The following OSCAR variants were observed in gnomAD, a reference collection of about 807,000 sequenced individuals.
The protein encoded by OSCAR is osteoclast-associated immunoglobulin-like receptor.
A neutral mutation model predicts 27.3 loss-of-function variants in OSCAR; 25 were observed. The ratio of observed to expected loss-of-function variants is 0.92; its 90% confidence interval spans 0.67 to 1.28. The LOEUF (loss-of-function observed/expected upper bound fraction) is 1.28. Among genes scored for constraint, OSCAR ranks in the 50% most tolerant of loss-of-function variants. The probability of loss-of-function intolerance (pLI) is 0.00; values close to 1 mark genes in which losing one functional copy is unlikely to be tolerated. For synonymous variants in OSCAR, 158 were observed against 165.7 expected (o/e 0.95, Z 0.36); for missense variants, 354 against 355.1 (o/e 1.00, Z 0.03).
At chr19:54,099,644 GA>G in intron 2 of OSCAR, 103 bp downstream of exon 2, 3 of 1,613,554 alleles carry the variant, frequency 1.9e-6, no homozygotes, top group Non-Finnish European at 2.5e-6. Context: ...AGGGAGGGAG[GA>G]AAATAAGGAT....
intron 1 of OSCAR, among the ~76,000 whole-genome samples, chr19:54,100,233 C>T (rs1202629072): frequency 2.0e-5 from 3 of 152,234 alleles, no homozygotes; most frequent in Non-Finnish European, 4.4e-5. Context: ...CTCCCTCCTC[C>T]TGTCTCAGTA....
At chr19:54,097,753 C>G (rs1481284376) in intron 2 of OSCAR, among the ~76,000 whole-genome samples, 1 of 76,858 alleles carries the variant, frequency 1.3e-5, no homozygotes, top group Non-Finnish European at 2.5e-5. Flanking sequence ...GCCACTACAC[C>G]AGGCTAATTT....
At chr19:54,096,667 T>TCCC (rs1220137404) in intron 3 of OSCAR, among the ~76,000 whole-genome samples, 195 bp downstream of exon 3, 1 of 141,478 alleles carries the variant, frequency 7.1e-6, no homozygotes, top group Non-Finnish European at 1.5e-5. Context: ...TCTCTCTCTC[T>TCCC]CCCCCCGCAC....
At position 54,097,023 on chromosome 19, in the gene OSCAR, G is replaced by C; in HGVS notation, c.212C>G (p.Ala71Gly). 6.2e-7 allele frequency: 1 copy of C among 1,614,180 alleles called. No individual in the cohort carries two copies. Among genetic ancestry groups the C allele is most frequent in the Non-Finnish European group, 8.5e-7 (1 of 1,180,038 alleles). The change falls in exon 3 of 5, where the codon GCT (alanine) becomes GGT (glycine). Residue 71 changes from alanine to glycine, a missense_variant. By Grantham distance (60) the Ala-to-Gly change is moderately conservative (BLOSUM62 0). Coordinates refer to ENST00000358375, the MANE Select transcript of OSCAR (RefSeq NM_133169.6). Reference protein sequence around the residue: ...RFGLFKPGEIAPLLFRDVSSE... With the variant: ...RFGLFKPGEIGPLLFRDVSSE... ...GGACACATCCCGGAAGAGAAGGGGA[G>C]CGATCTCTCCAGGCTTGAAAAGTCC...
intron 3 of OSCAR, 33 bp downstream of exon 3, chr19:54,096,829 A>T: frequency 6.3e-7 from 1 of 1,597,730 alleles, no homozygotes; most frequent in Non-Finnish European, 8.5e-7. Flanking sequence ...CCCTTGTTCC[A>T]CCCACTTCTC....
chr19:54,095,421 T>C, intron 4 of OSCAR, 64 bp from the exon 5 acceptor site: 1 of 1,512,182 alleles, frequency 6.6e-7, no homozygotes, highest in Non-Finnish European at 8.8e-7. Context: ...GGCCCTGAAC[T>C]CCAGGTTTCC....
In OSCAR at chr19:54,099,229, A is replaced by ATTTTTTTTT. The variant is rs1228940404; in HGVS notation, c.70+510_70+518dup. Among the ~76,000 whole-genome samples, 10 of 82,422 alleles carry ATTTTTTTTT rather than the reference A, an allele frequency of 1.2e-4. 3 individuals are homozygous for ATTTTTTTTT. The East Asian group carries it at 3.6e-3, about 30-fold the overall frequency. 54.1% of individuals were successfully genotyped at this position (82,422 alleles called of 152,430 possible). Reference sequence around the variant, plus strand: ...AGGTGCGTCCCACCACACCCGGCTAATTTTTTTTTTTTTTTTTTTTTTTTA... The same window carrying ATTTTTTTTT: ...AGGTGCGTCCCACCACACCCGGCTAATTTTTTTTTTTTTTTTTTTTTTTTTTTTTTTTTA... On this transcript the variant is annotated intron_variant, in intron 2 of 4. Coordinates refer to ENST00000358375, the MANE Select transcript of OSCAR (RefSeq NM_133169.6).
At chr19:54,100,063 C>T (rs1338490161) in intron 1 of OSCAR, among the ~76,000 whole-genome samples, 8 of 152,102 alleles carry the variant, frequency 5.3e-5, no homozygotes, top group Non-Finnish European at 7.4e-5. Context: ...CCACCCGCCT[C>T]GGCCTCCCAA....
At chr19:54,096,288 GTC>G (rs1294218332) in intron 3 of OSCAR, 135 bp from the exon 4 acceptor site, 27 of 800,984 alleles carry the variant, frequency 3.4e-5, no homozygotes, top group South Asian at 8.0e-5. Flanking sequence ...CTCTCTGCCT[GTC>G]TCTCTCTCTG....
In OSCAR at chr19:54,096,941, G is replaced by A. The variant is rs2072766367; in HGVS notation, c.294C>T (p.Tyr98=). 6.2e-7 allele frequency: 1 copy of A among 1,614,160 alleles called. No homozygotes were observed. The highest frequency in any genetic ancestry group is 8.5e-7 in the Non-Finnish European group (1 of 1,180,030). The change falls in exon 3 of 5, where the codon TAC becomes TAT. Residue 98 remains tyrosine (Y), a synonymous_variant. Transcript: ENST00000358375. The part of the protein sequence containing the change: ...EEVTPAQGGS[Y]RCCYRRPDWG... ...AGTCTGGCCTTCGGTAGCAGCAGCG[G>A]TAACTTCCCCCTTGGGCTGGAGTCA...
Position 54,095,350 on chromosome 19 carries a change from G to C in OSCAR, c.663C>G (p.Gly221=), listed in dbSNP as rs587647466. The C allele has an allele frequency of 2.6e-6, 4 of 1,560,828 alleles. No individual in the cohort carries two copies. The South Asian group carries it at 3.5e-5, about 14-fold the overall frequency. The change falls in exon 5 of 5, where the codon GGC becomes GGG. Residue 221 remains glycine, a synonymous_variant. Coordinates refer to ENST00000358375, the MANE Select transcript of OSCAR (RefSeq NM_133169.6). ...EVLVISWEDS[G]SSDYTRGNLV... ...GGTTCCCCCGGGTGTAGTCGGAGGA[G>C]CCAGAGTCTGCGGGCGGAGCCGGGA...
rs915922506 is a variant in OSCAR at position 54,094,987 on chromosome 19, G to A, written c.*234C>T. 14 of 581,996 alleles carry A rather than the reference G, an allele frequency of 2.4e-5. No individual in the cohort carries two copies. The highest frequency in any genetic ancestry group is 3.2e-5 in the Non-Finnish European group (12 of 371,446). The allele number at this position is 581,996 out of a possible 1,614,324, so 36.1% of individuals were successfully genotyped here. The stretch of plus-strand genomic sequence containing the variant: ...TGAGTAGACGGCAGTGCTGGGATTC[G>A]AACCCTCTGTCTTCTGGCTTGGAAG... On this transcript the variant is annotated 3_prime_UTR_variant, in exon 5 of 5. Coordinates refer to ENST00000358375, the MANE Select transcript of OSCAR (RefSeq NM_133169.6).
Position 54,099,620 on chromosome 19 carries a change from G to A in OSCAR, c.70+128C>T, listed in dbSNP as rs189518817. Reference sequence around the variant, plus strand: ...ATGGCCACTAAGGGGAATGAGAAAAGAAGGAAGGAATGGAGGGAGGGAGGA... The same window carrying A: ...ATGGCCACTAAGGGGAATGAGAAAAAAAGGAAGGAATGGAGGGAGGGAGGA... On this transcript the variant is annotated intron_variant, in intron 2 of 4. Coordinates refer to ENST00000358375, the MANE Select transcript of OSCAR (RefSeq NM_133169.6). The A allele has an allele frequency of 9.3e-5, 150 of 1,613,360 alleles. No individual in the cohort carries two copies. In the African/African-American group the frequency reaches 1.8e-3, roughly 20 times the overall value.
At chr19:54,096,493 CCT>C (rs1179164051) in intron 3 of OSCAR, among the ~76,000 whole-genome samples, 7 of 124,324 alleles carry the variant, frequency 5.6e-5, no homozygotes, top group East Asian at 2.5e-4. Context: ...TCTCTGCCTC[CCT>C]CTCTCTCTGC....
At chr19:54,098,659 G>A (rs1039608351) in intron 2 of OSCAR, among the ~76,000 whole-genome samples, 5 of 151,790 alleles carry the variant, frequency 3.3e-5, no homozygotes, top group Admixed American at 6.6e-5. Context: ...ACTCCAGCCC[G>A]GGTGACACAA....
Position 54,094,890 on chromosome 19 carries a change from C to T in OSCAR, c.*331G>A, listed in dbSNP as rs192893603. ...TGTAAGACAGAAAAGTTCTCCAGGT[C>T]CCCATTCAACCCAGGAAGTCCAGCT... On this transcript the variant is annotated 3_prime_UTR_variant, in exon 5 of 5. Transcript: ENST00000358375. 20 of 291,126 alleles carry T rather than the reference C, an allele frequency of 6.9e-5. No individual in the cohort carries two copies. The highest frequency in any genetic ancestry group is 1.1e-4 in the Non-Finnish European group (17 of 157,442). The allele number at this position is 291,126 out of a possible 1,614,324, so 18.0% of individuals were successfully genotyped here.
intron 2 of OSCAR, among the ~76,000 whole-genome samples, chr19:54,098,633 A>G (rs12985255): frequency 0.4 from 61,126 of 151,748 alleles, 14,149 homozygotes; most frequent in Non-Finnish European, 0.53. Context: ...GCAGTGAGCT[A>G]TGATAGAGCC....
At chr19:54,099,229 AT>A (rs1228940404) in intron 2 of OSCAR, among the ~76,000 whole-genome samples, 1,649 of 82,370 alleles carry the variant, frequency 0.02, 18 homozygotes, top group African/African-American at 0.056. Flanking sequence ...CACCCGGCTA[AT>A]TTTTTTTTTT....
chr19:54,100,034 ACTC>A (rs2072965301), intron 1 of OSCAR, among the ~76,000 whole-genome samples: 3 of 151,550 alleles, frequency 2.0e-5, no homozygotes, highest in African/African-American at 7.3e-5. Flanking sequence ...CTGGTCTTGA[ACTC>A]CTGTCCTCAG....
Sources: gnomAD v4.1 joint callset for allele counts (sites outside exome capture counted in the v4.1 genomes callset) on GRCh38, gnomAD v4.1.1 for gene constraint, MANE v1.5 for transcripts, NCBI Gene and HGNC (gene_info 2026-07-23, HGNC 2026-07-21) for gene names.